The following GSX1 variants were observed in gnomAD, a reference collection of about 807,000 sequenced individuals.
The protein encoded by GSX1 is GS homeobox 1.
GSX1 carries 13 observed loss-of-function variants against 17.7 expected under a neutral mutation model. The ratio of observed to expected loss-of-function variants is 0.74; its 90% CI spans 0.48 to 1.17. The LOEUF (loss-of-function observed/expected upper bound fraction) is 1.17, where lower values mean the gene tolerates loss of function less well. Among genes scored for constraint, GSX1 ranks in the 50% most tolerant of loss-of-function variants. The pLI is 0.00. For missense variants in GSX1, 371 were observed against 372.1 expected (o/e 1.00, Z 0.02); for synonymous variants, 202 against 176.2 (o/e 1.15, Z -1.16).
At position 27,793,009 on chromosome 13, in the gene GSX1, G is replaced by T. The variant is rs769680774; in HGVS notation, c.319G>T (p.Ala107Ser). 30 of 1,574,410 alleles carry T rather than the reference G, an allele frequency of 1.9e-5. No individual in the cohort carries two copies. Among genetic ancestry groups the T allele is most frequent in the Non-Finnish European group, 6.0e-6 (7 of 1,168,276 alleles). The change falls in exon 1 of 2, where the codon GCT becomes TCT. Residue 107 changes from alanine (A) to serine (S), a missense_variant. Coordinates refer to ENST00000302945, the MANE Select transcript of GSX1 (RefSeq NM_145657.3). This position sits in a 1 kb window ranked among gnomAD's most constrained non-coding sequence, Gnocchi z 6.2. ...GCACTCTGCTGTGTCGCCCGGGGTCGCTCACGGCCCGGCCGCCGCTGCTGC... is the reference window on the plus strand; with the variant it reads ...GCACTCTGCTGTGTCGCCCGGGGTCTCTCACGGCCCGGCCGCCGCTGCTGC... ...RQHSAVSPGV[A>S]HGPAAAAAAA...
Position 27,792,687 on chromosome 13 carries a change from G to A in GSX1, c.-4G>A, listed in dbSNP as rs573793551. 7.2e-6 allele frequency: 10 copies of A among 1,386,682 alleles called. No individual in the cohort carries two copies. Among genetic ancestry groups the A allele is most frequent in the South Asian group, 3.3e-5 (2 of 60,848 alleles). The allele number at this position is 1,386,682 out of a possible 1,614,324, so 85.9% of individuals were successfully genotyped here. On this transcript the variant is annotated 5_prime_UTR_variant, in exon 1 of 2. Transcript: ENST00000302945. ...TGGCTGCGGGGCGACCGCGCGCCGG[G>A]GCCATGCCGCGCTCCTTCCTGGTGG... is the stretch of plus-strand genomic sequence containing the variant.
Position 27,793,967 on chromosome 13 carries a change from C to G in GSX1, c.*19C>G, listed in dbSNP as rs751272114. On this transcript the variant is annotated 3_prime_UTR_variant, in exon 2 of 2. Transcript: ENST00000302945. The surrounding 1 kb of genome is among the most constrained non-coding windows in gnomAD (Gnocchi z 6.2). The stretch of plus-strand genomic sequence containing the variant: ...TCCCTAGGCGCGTGTCTCCCTAGGT[C>G]GCCCACCCCAAGACCTCCCTGCGCC... The G allele has an allele frequency of 6.5e-7, 1 of 1,529,434 alleles. No individual in the cohort carries two copies. Among genetic ancestry groups the G allele is most frequent in the Non-Finnish European group, 8.8e-7 (1 of 1,138,796 alleles). 94.7% of individuals were successfully genotyped at this position (1,529,434 alleles called of 1,614,324 possible). A position where few individuals can be genotyped will look rare whatever the true frequency, so the allele number is the denominator to read the frequency against.
In GSX1 at chr13:27,794,171, A is replaced by C; in HGVS notation, c.*223A>C. The C allele has an allele frequency of 1.8e-6, 1 of 555,546 alleles. No homozygotes were observed. Among genetic ancestry groups the C allele is most frequent in the Non-Finnish European group, 3.1e-6 (1 of 320,504 alleles). 34.4% of individuals were successfully genotyped at this position (555,546 alleles called of 1,614,324 possible). A position where few individuals can be genotyped will look rare whatever the true frequency, so the allele number is the denominator to read the frequency against. On this transcript the variant is annotated 3_prime_UTR_variant, in exon 2 of 2. Transcript: ENST00000302945. ...CTCGCTCGTGTCCAAAGCCAACTCC[A>C]AGCTGTGAACACTGTAAGCGCTCGA...
Position 27,793,109 on chromosome 13 carries a change from G to A in GSX1, c.412+7G>A, listed in dbSNP as rs1384269766. ...TTCCACTGCATCTCTGTGGGTAAGC[G>A]GGGCCGCCGCGCAGAGGGACCGGGC... On this transcript the variant is annotated splice_region_variant and intron_variant, in intron 1 of 1. Transcript: ENST00000302945. The surrounding 1 kb of genome is among the most constrained non-coding windows in gnomAD (Gnocchi z 6.2). The A allele has an allele frequency of 3.9e-6, 6 of 1,527,838 alleles. No individual in the cohort carries two copies. The highest frequency in any genetic ancestry group is 1.9e-5 in the Admixed American group (1 of 51,722). The allele number at this position is 1,527,838 out of a possible 1,614,324, so 94.6% of individuals were successfully genotyped here. A position where few individuals can be genotyped will look rare whatever the true frequency, so the allele number is the denominator to read the frequency against.
Position 27,794,068 on chromosome 13 carries a change from A to T in GSX1, c.*120A>T, listed in dbSNP as rs1386156559. On this transcript the variant is annotated 3_prime_UTR_variant, in exon 2 of 2. Coordinates refer to ENST00000302945, the MANE Select transcript of GSX1 (RefSeq NM_145657.3). ...AACCACTGCCTGGCATGGATTTGGC[A>T]CTGCTTTGCAGAGGTCCCGGGCCTG... 5.1e-6 allele frequency: 6 copies of T among 1,169,862 alleles called. No homozygotes were observed. The highest frequency in any genetic ancestry group is 5.2e-5 in the Admixed American group (2 of 38,146). The allele number at this position is 1,169,862 out of a possible 1,614,324, so 72.5% of individuals were successfully genotyped here.
Position 27,793,004 on chromosome 13 carries a change from G to C in GSX1, c.314G>C (p.Gly105Ala), listed in dbSNP as rs558361531. 1 of 1,572,888 alleles carries C rather than the reference G, an allele frequency of 6.4e-7. No homozygotes were observed. The highest frequency in any genetic ancestry group is 1.1e-5 in the South Asian group (1 of 87,520). ...LGRQHSAVSP[G>A]VAHGPAAAAA... is the part of the protein sequence containing the mutation. ...CGCCAGCACTCTGCTGTGTCGCCCG[G>C]GGTCGCTCACGGCCCGGCCGCCGCT... Residue 105 changes from glycine (G) to alanine (A), a missense_variant, in exon 1 of 2, where the codon GGG becomes GCG. Physicochemically the swap from Gly to Ala is moderately conservative, Grantham distance 60. This residue lies in a region of GSX1 where 212 missense variants were observed against 193.9 expected (regional missense o/e 1.09). Transcript: ENST00000302945. The surrounding 1 kb of genome is among the most constrained non-coding windows in gnomAD (Gnocchi z 6.2).
rs775375680 is a variant in GSX1 at position 27,793,024 on chromosome 13, G to T, written c.334G>T (p.Ala112Ser). 6.3e-7 allele frequency: 1 copy of T among 1,582,002 alleles called. No homozygotes were observed. Among genetic ancestry groups the T allele is most frequent in the East Asian group, 2.3e-5 (1 of 44,072 alleles). ...VSPGVAHGPA[A>S]AAAAAALYQT... The stretch of plus-strand genomic sequence containing the variant: ...GCCCGGGGTCGCTCACGGCCCGGCC[G>T]CCGCTGCTGCTGCCGCCGCGCTCTA... Residue 112 changes from alanine (A) to serine (S), a missense_variant, in exon 1 of 2, where the codon GCC becomes TCC. Coordinates refer to ENST00000302945, the MANE Select transcript of GSX1 (RefSeq NM_145657.3). This position sits in a 1 kb window ranked among gnomAD's most constrained non-coding sequence, Gnocchi z 6.2.
In GSX1 at chr13:27,794,035, C is replaced by G; in HGVS notation, c.*87C>G. ...GACTCAGCGCTGATTCCCAGGCACC[C>G]GCAGCCAAACCACTGCCTGGCATGG... On this transcript the variant is annotated 3_prime_UTR_variant, in exon 2 of 2. Coordinates refer to ENST00000302945, the MANE Select transcript of GSX1 (RefSeq NM_145657.3). 7.2e-7 allele frequency: 1 copy of G among 1,396,808 alleles called. No individual in the cohort carries two copies. The highest frequency in any genetic ancestry group is 2.6e-4 in the Middle Eastern group (1 of 3,802). The allele number at this position is 1,396,808 out of a possible 1,614,324, so 86.5% of individuals were successfully genotyped here.
At position 27,794,102 on chromosome 13, in the gene GSX1, T is replaced by G; in HGVS notation, c.*154T>G. 1.2e-6 allele frequency: 1 copy of G among 843,426 alleles called. No individual in the cohort carries two copies. The highest frequency in any genetic ancestry group is 2.7e-5 in the East Asian group (1 of 36,854). 52.2% of individuals were successfully genotyped at this position (843,426 alleles called of 1,614,324 possible). ...CAGAGGTCCCGGGCCTGGGCAGGGC[T>G]GAGAGCTTGGCAGAGACTGGACCAT... On this transcript the variant is annotated 3_prime_UTR_variant, in exon 2 of 2. Transcript: ENST00000302945.
At position 27,793,511 on chromosome 13, in the gene GSX1, T is replaced by C. The variant is rs1957079632; in HGVS notation, c.413-55T>C. ...ATTCTGGCGACCGCCTACCAAGGGATTGGGTCCACAGCACAGAGGTCTGAT... is the reference window on the plus strand; with the variant it reads ...ATTCTGGCGACCGCCTACCAAGGGACTGGGTCCACAGCACAGAGGTCTGAT... On this transcript the variant is annotated intron_variant, in intron 1 of 1. Coordinates refer to ENST00000302945, the MANE Select transcript of GSX1 (RefSeq NM_145657.3). The surrounding 1 kb of genome is among the most constrained non-coding windows in gnomAD (Gnocchi z 6.2). The C allele has an allele frequency of 6.5e-7, 1 of 1,534,656 alleles. No individual in the cohort carries two copies. Among genetic ancestry groups the C allele is most frequent in the Non-Finnish European group, 8.7e-7 (1 of 1,143,104 alleles).
Position 27,794,370 on chromosome 13 carries a change from TTC to T in GSX1, c.*426_*427del, listed in dbSNP as rs1957087160. The T allele has an allele frequency of 5.9e-6, 1 of 168,906 alleles. No homozygotes were observed. Among genetic ancestry groups the T allele is most frequent in the South Asian group, 2.0e-4 (1 of 4,928 alleles). The allele number at this position is 168,906 out of a possible 1,614,324, so 10.5% of individuals were successfully genotyped here. On this transcript the variant is annotated 3_prime_UTR_variant, in exon 2 of 2. Transcript: ENST00000302945. ...TCGGCGGCCTTGGATGCTCGTTCGCTTCTCTTTTTAAAATGTCTTTTTGTCCC... is the reference window on the plus strand; with the variant it reads ...TCGGCGGCCTTGGATGCTCGTTCGCTTCTTTTTAAAATGTCTTTTTGTCCC...
chr13:27,794,238 C>T lies in GSX1; in HGVS notation c.*290C>T. The T allele has an allele frequency of 3.0e-6, 1 of 330,504 alleles. No homozygotes were observed. Among genetic ancestry groups the T allele is most frequent in the Non-Finnish European group, 5.5e-6 (1 of 183,086 alleles). 20.5% of individuals were successfully genotyped at this position (330,504 alleles called of 1,614,324 possible). A position where few individuals can be genotyped will look rare whatever the true frequency, so the allele number is the denominator to read the frequency against. On this transcript the variant is annotated 3_prime_UTR_variant, in exon 2 of 2. Coordinates refer to ENST00000302945, the MANE Select transcript of GSX1 (RefSeq NM_145657.3). ...CAGCACCGCGGCCCCCGCCCGCAAG[C>T]CTGCTTGGCGCAGCGCCTTGCTGGC...
Position 27,792,530 on chromosome 13 carries a change from G to T in GSX1, c.-161G>T. ...CCGCGCTCTTTGGGCGGTGCCCACG[G>T]CAGCAGAGGCTACTGTTTCAGCCTA... On this transcript the variant is annotated 5_prime_UTR_variant, in exon 1 of 2. Coordinates refer to ENST00000302945, the MANE Select transcript of GSX1 (RefSeq NM_145657.3). The T allele has an allele frequency of 1.6e-6, 1 of 610,522 alleles. No homozygotes were observed. Among genetic ancestry groups the T allele is most frequent in the Non-Finnish European group, 2.5e-6 (1 of 399,392 alleles). The allele number at this position is 610,522 out of a possible 1,614,324, so 37.8% of individuals were successfully genotyped here.
Position 27,794,642 on chromosome 13 carries a change from A to G in GSX1, c.*694A>G, listed in dbSNP as rs1957088975. On this transcript the variant is annotated 3_prime_UTR_variant, in exon 2 of 2. Coordinates refer to ENST00000302945, the MANE Select transcript of GSX1 (RefSeq NM_145657.3). ...GGGAAACAGATTTGCTCTGTTTCCA[A>G]CACGCTCTTCCTTCCTCTAAACATA... 6.6e-6 allele frequency: 1 copy of G among 151,710 alleles called. No individual in the cohort carries two copies. The highest frequency in any genetic ancestry group is 1.5e-5 in the Non-Finnish European group (1 of 67,972). The allele number at this position is 151,710 out of a possible 1,614,324, so 9.4% of individuals were successfully genotyped here.
In GSX1 at chr13:27,793,319, G is replaced by C. The variant is rs1325747917; in HGVS notation, c.412+217G>C. ...CGTCCAGGTCCTGGAGTGTGGGCCG[G>C]GGTAAGTGAGGGCTGGGATCCAAGG... On this transcript the variant is annotated intron_variant, in intron 1 of 1. Transcript: ENST00000302945. The surrounding 1 kb of genome is among the most constrained non-coding windows in gnomAD (Gnocchi z 6.2). Among the ~76,000 whole-genome samples, 1 of 152,160 alleles carries C rather than the reference G, an allele frequency of 6.6e-6. No homozygotes were observed. The highest frequency in any genetic ancestry group is 1.5e-5 in the Non-Finnish European group (1 of 68,028).
At position 27,794,176 on chromosome 13, in the gene GSX1, G is replaced by A; in HGVS notation, c.*228G>A. 1.8e-6 allele frequency: 1 copy of A among 543,206 alleles called. No homozygotes were observed. Among genetic ancestry groups the A allele is most frequent in the Non-Finnish European group, 3.2e-6 (1 of 312,222 alleles). The allele number at this position is 543,206 out of a possible 1,614,324, so 33.6% of individuals were successfully genotyped here. On this transcript the variant is annotated 3_prime_UTR_variant, in exon 2 of 2. Coordinates refer to ENST00000302945, the MANE Select transcript of GSX1 (RefSeq NM_145657.3). ...TCGTGTCCAAAGCCAACTCCAAGCT[G>A]TGAACACTGTAAGCGCTCGAGTCCT...
rs1443011452 is a variant in GSX1, at chr13:27,793,880, G to GA, written c.728dup (p.Asp243GlufsTer48). 1 of 1,594,212 alleles carries GA rather than the reference G, an allele frequency of 6.3e-7. No homozygotes were observed. The highest frequency in any genetic ancestry group is 2.2e-5 in the East Asian group (1 of 44,694). On this transcript the variant is annotated frameshift_variant, in exon 2 of 2. Coordinates refer to ENST00000302945, the MANE Select transcript of GSX1 (RefSeq NM_145657.3). LOFTEE classifies it high-confidence loss of function. The surrounding 1 kb of genome is among the most constrained non-coding windows in gnomAD (Gnocchi z 6.2). ...CTCCTCAGCCAAGTGCTCCGAGGAT[G>GA]ACGACGAATTGCCCATGTCTCCGTC...
In GSX1 at chr13:27,793,534, G is replaced by C; in HGVS notation, c.413-32G>C. ...GATTGGGTCCACAGCACAGAGGTCTGATCGCTTCCTTCTCTGCTCTGCCAC... is the reference window on the plus strand; with the variant it reads ...GATTGGGTCCACAGCACAGAGGTCTCATCGCTTCCTTCTCTGCTCTGCCAC... On this transcript the variant is annotated intron_variant, in intron 1 of 1. Coordinates refer to ENST00000302945, the MANE Select transcript of GSX1 (RefSeq NM_145657.3). This position sits in a 1 kb window ranked among gnomAD's most constrained non-coding sequence, Gnocchi z 6.2. 1 of 1,584,376 alleles carries C rather than the reference G, an allele frequency of 6.3e-7. No homozygotes were observed. Among genetic ancestry groups the C allele is most frequent in the East Asian group, 2.2e-5 (1 of 44,752 alleles).
At position 27,792,732 on chromosome 13, in the gene GSX1, G is replaced by C. The variant is rs944726459; in HGVS notation, c.42G>C (p.Glu14Asp). ...TGGTGGACTCGCTAGTGCTGCGCGA[G>C]GCGGGCGAGAAGAAGGCGCCCGAGG... The part of the protein sequence containing the change: ...SFLVDSLVLR[E>D]AGEKKAPEGS... The change falls in exon 1 of 2, where the codon GAG becomes GAC. Residue 14 changes from glutamate (E) to aspartate (D), a missense_variant. Glu to Asp is a conservative substitution (Grantham distance 45). Around this residue, in one of 3 missense-constraint regions of GSX1, gnomAD observed 212 missense variants for 193.9 expected, o/e 1.09. Transcript: ENST00000302945. 43 of 1,479,180 alleles carry C rather than the reference G, an allele frequency of 2.9e-5. No homozygotes were observed. The African/African-American group carries it at 5.9e-4, about 20-fold the overall frequency. 91.6% of individuals were successfully genotyped at this position (1,479,180 alleles called of 1,614,324 possible). A position where few individuals can be genotyped will look rare whatever the true frequency, so the allele number is the denominator to read the frequency against.
Sources: allele counts gnomAD v4.1 joint callset (sites outside exome capture counted in the v4.1 genomes callset), GRCh38; gene constraint gnomAD v4.1.1; regional missense constraint gnomAD v4.1.1; non-coding constraint Gnocchi (gnomAD v3.1); transcripts MANE v1.5; gene names NCBI Gene and HGNC (gene_info 2026-07-23, HGNC 2026-07-21).